DISP1: variants seen among roughly 807,000 people sequenced by gnomAD.
The protein encoded by DISP1 is protein dispatched homolog 1.
A neutral mutation model predicts 37.3 loss-of-function variants in DISP1; 30 were observed. The ratio of observed to expected loss-of-function variants is 0.80; its 90% CI spans 0.60 to 1.09. The LOEUF (loss-of-function observed/expected upper bound fraction) is 1.09. Ranked by LOEUF, DISP1 falls within the 50% of genes least tolerant of loss-of-function variation. DISP1 has a pLI of 0.00. For synonymous variants in DISP1, 634 were observed against 690.2 expected (o/e 0.92, Z 1.28); for missense variants, 1,598 against 1,879.5 (o/e 0.85, Z 2.77).
intron 5 of DISP1, among the ~76,000 whole-genome samples, chr1:222,991,176 C>T (rs1472585570): frequency 1.3e-5 from 2 of 152,178 alleles, no homozygotes; most frequent in Admixed American, 6.5e-5. Context: ...TAATGAAACA[C>T]TCTTTGTAAA....
chr1:222,831,343 G>C (rs1467220984), intron 1 of DISP1, among the ~76,000 whole-genome samples: 2 of 152,144 alleles, frequency 1.3e-5, no homozygotes, highest in Non-Finnish European at 2.9e-5. Context: ...GATTATTTCA[G>C]AGGTAGTAGG....
rs1679773328 is a variant in DISP1 at position 223,004,819 on chromosome 1, G to T, written c.3422G>T (p.Gly1141Val). 13 of 1,611,290 alleles carry T rather than the reference G, an allele frequency of 8.1e-6. No homozygotes were observed. Among genetic ancestry groups the T allele is most frequent in the African/African-American group, 1.3e-5 (1 of 74,916 alleles). Reference protein sequence around the residue: ...CRCLGPQGTCGQIPLPKKLQC... With the variant: ...CRCLGPQGTCVQIPLPKKLQC... ...TGCCTTGGACCACAGGGTACCTGTG[G>T]TCAGATTCCTTTACCTAAAAAACTA... Residue 1141 changes from glycine to valine, a missense_variant, in exon 9 of 9, where the codon GGT becomes GTT. Gly to Val is a moderately radical substitution (Grantham distance 109). Transcript: ENST00000675850. The surrounding 1 kb of genome is among the most constrained non-coding windows in gnomAD (Gnocchi z 4.9).
In DISP1 at chr1:223,004,856, C is replaced by A. The variant is rs1359391765; in HGVS notation, c.3459C>A (p.Ala1153=). The part of the protein sequence containing the change: ...IPLPKKLQCS[A]FSHALSTSPS... The stretch of plus-strand genomic sequence containing the variant: ...TACCTAAAAAACTACAGTGCAGTGC[C>A]TTTTCCCATGCCTTGTCTACAAGTC... Residue 1153 remains alanine, a synonymous_variant, in exon 9 of 9, where the codon GCC becomes GCA. Transcript: ENST00000675850. The surrounding 1 kb of genome is among the most constrained non-coding windows in gnomAD (Gnocchi z 4.9). The A allele has an allele frequency of 6.2e-7, 1 of 1,609,316 alleles. No individual in the cohort carries two copies. The highest frequency in any genetic ancestry group is 1.1e-5 in the South Asian group (1 of 91,086).
chr1:222,864,248 T>C (rs1215360653), intron 1 of DISP1, among the ~76,000 whole-genome samples: 1 of 152,196 alleles, frequency 6.6e-6, no homozygotes, highest in East Asian at 1.9e-4. Context: ...ATCCCAAGTA[T>C]CTTGTTCAAG....
intron 1 of DISP1, among the ~76,000 whole-genome samples, chr1:222,850,530 T>G (rs1668166162): frequency 6.6e-6 from 1 of 152,088 alleles, no homozygotes; most frequent in Non-Finnish European, 1.5e-5. Context: ...TACATATTAT[T>G]TCATCACCCA....
intron 1 of DISP1, among the ~76,000 whole-genome samples, chr1:222,816,869 T>G (rs1337042449): frequency 1.3e-5 from 2 of 148,850 alleles, no homozygotes; most frequent in African/African-American, 4.8e-5. Context: ...CAATTTAATC[T>G]TATTTGTTTA....
At chr1:222,997,775 A>G (rs1259612507) in intron 8 of DISP1, among the ~76,000 whole-genome samples, 1 of 152,212 alleles carries the variant, frequency 6.6e-6, no homozygotes, top group Non-Finnish European at 1.5e-5. Context: ...GTCAACAACT[A>G]AAAGCATTAT....
At chr1:222,905,713 T>C (rs1296398316) in intron 1 of DISP1, among the ~76,000 whole-genome samples, 1 of 152,204 alleles carries the variant, frequency 6.6e-6, no homozygotes, top group African/African-American at 2.4e-5. Context: ...ATTGGGTCTA[T>C]CTGAAAGCTT....
chr1:222,840,778 G>A (rs1355618019), intron 1 of DISP1, among the ~76,000 whole-genome samples: 1 of 151,646 alleles, frequency 6.6e-6, no homozygotes, highest in Non-Finnish European at 1.5e-5. Context: ...TAGCTAGGAT[G>A]GTCTCAATCT....
intron 1 of DISP1, among the ~76,000 whole-genome samples, chr1:222,917,829 T>C (rs963086378): frequency 6.6e-6 from 1 of 151,920 alleles, no homozygotes; most frequent in Non-Finnish European, 1.5e-5. Flanking sequence ...TGTCAAGATA[T>C]GGGAACTGAG....
chr1:222,895,370 A>G (rs1671192533), intron 1 of DISP1, among the ~76,000 whole-genome samples: 2 of 152,240 alleles, frequency 1.3e-5, no homozygotes, highest in Non-Finnish European at 2.9e-5. Flanking sequence ...CTTAGAAAAT[A>G]AATTCAACAC....
intron 3 of DISP1, among the ~76,000 whole-genome samples, chr1:222,969,538 G>A (rs1406468251): frequency 2.0e-5 from 3 of 151,886 alleles, no homozygotes; most frequent in African/African-American, 7.3e-5. Flanking sequence ...TGAGAAACAA[G>A]TTGCAATCTA....
chr1:222,815,169 C>G (rs907675346), intron 1 of DISP1, 91 bp downstream of exon 1: 1 of 152,350 alleles, frequency 6.6e-6, no homozygotes, highest in African/African-American at 2.4e-5. Context: ...ACTGGGAGAC[C>G]GGGTAGGGAC....
chr1:222,972,526 A>G (rs184440592), intron 3 of DISP1, among the ~76,000 whole-genome samples: 4 of 152,210 alleles, frequency 2.6e-5, no homozygotes, highest in African/African-American at 9.6e-5. Context: ...AACAACCCCT[A>G]ATCCAGTAAG....
chr1:222,869,702 A>T (rs1001790051), intron 1 of DISP1, among the ~76,000 whole-genome samples: 1 of 152,150 alleles, frequency 6.6e-6, no homozygotes, highest in Non-Finnish European at 1.5e-5. Context: ...TATAAAGAAA[A>T]ATAGAGGGAT....
intron 3 of DISP1, among the ~76,000 whole-genome samples, chr1:222,967,115 A>C (rs891239203): frequency 1.1e-4 from 13 of 118,504 alleles, no homozygotes; most frequent in Middle Eastern, 4.6e-3. Context: ...TCAAGGGGGA[A>C]TAGATCTACA....
chr1:222,955,177 C>G (rs1172847820), intron 3 of DISP1, among the ~76,000 whole-genome samples: 3 of 151,912 alleles, frequency 2.0e-5, no homozygotes, highest in African/African-American at 7.3e-5. Flanking sequence ...ACCTCTGCCT[C>G]CTGAGTTCAT....
At chr1:222,821,713 T>C (rs992859479) in intron 1 of DISP1, among the ~76,000 whole-genome samples, 2 of 151,958 alleles carry the variant, frequency 1.3e-5, no homozygotes, top group African/African-American at 4.8e-5. Flanking sequence ...CTGTGTCTGC[T>C]AAAAATAATA....
chr1:223,005,459 T>A lies in DISP1; in HGVS notation c.4062T>A (p.Asn1354Lys). 5.0e-6 allele frequency: 8 copies of A among 1,613,540 alleles called. No individual in the cohort carries two copies. Among genetic ancestry groups the A allele is most frequent in the Non-Finnish European group, 6.8e-6 (8 of 1,179,992 alleles). ...GAATGCAGAATTCTCTGCCTAGGAATTTTTTCCTCCACCCAGTGCAGCACA... is the reference window on the plus strand; with the variant it reads ...GAATGCAGAATTCTCTGCCTAGGAAATTTTTCCTCCACCCAGTGCAGCACA... ...PAGMQNSLPR[N>K]FFLHPVQHIQ... The change falls in exon 9 of 9, where the codon AAT becomes AAA. Residue 1354 changes from asparagine to lysine, a missense_variant. Asn to Lys is a moderately conservative substitution (Grantham distance 94, BLOSUM62 0). Coordinates refer to ENST00000675850, the MANE Select transcript of DISP1 (RefSeq NM_001377229.1).
Sources: allele counts gnomAD v4.1 joint callset (sites outside exome capture counted in the v4.1 genomes callset), GRCh38; gene constraint gnomAD v4.1.1; non-coding constraint Gnocchi (gnomAD v3.1); transcripts MANE v1.5; gene names NCBI Gene and HGNC (gene_info 2026-07-23, HGNC 2026-07-21).